The following EPHX4 variants were observed in gnomAD, a reference collection of about 807,000 sequenced individuals.
EPHX4 encodes epoxide hydrolase 4, also known as abhydrolase domain containing 7.
EPHX4 carries 31 observed loss-of-function variants against 44.9 expected under a neutral mutation model. The observed-to-expected ratio is 0.69, with a 90% CI of 0.52 to 0.93. EPHX4 has a LOEUF of 0.93. Among genes scored for constraint, EPHX4 ranks in the 40% least tolerant of loss-of-function variants. The pLI is 0.00. For synonymous variants in EPHX4, 151 were observed against 159.7 expected, an observed-to-expected ratio of 0.95 and a Z score of 0.41; for missense variants, 373 against 438.1, an observed-to-expected ratio of 0.85 and a Z score of 1.33.
At chr1:92,046,537 C>T (rs1291755035) in intron 4 of EPHX4, among the ~76,000 whole-genome samples, 1 of 152,200 alleles carries the variant, frequency 6.6e-6, no homozygotes, top group East Asian at 1.9e-4. Context: ...CATCTCGGCT[C>T]ACTGCAACCT....
intron 1 of EPHX4, among the ~76,000 whole-genome samples, chr1:92,031,841 T>G (rs1374739163): frequency 6.6e-6 from 1 of 152,170 alleles, no homozygotes; most frequent in Non-Finnish European, 1.5e-5. Flanking sequence ...GTCTCCTACA[T>G]GCAGAGTGAA....
intron 6 of EPHX4, among the ~76,000 whole-genome samples, chr1:92,058,883 T>C (rs964073127): frequency 1.3e-5 from 2 of 152,184 alleles, no homozygotes; most frequent in Admixed American, 6.5e-5. Context: ...ATGGGAAACT[T>C]TGGAGGGCCT....
rs1361399414 is a variant in EPHX4, at chr1:92,063,103, G to T, written c.906G>T (p.Leu302=). 3 of 1,614,128 alleles carry T rather than the reference G, an allele frequency of 1.9e-6. No individual in the cohort carries two copies. In the South Asian group the frequency reaches 3.3e-5, roughly 18 times the overall value. ...HHMVTTPTLL[L]WGENDAFMEV... is the part of the protein sequence containing the mutation. The stretch of plus-strand genomic sequence containing the variant: ...TGGTGACCACTCCAACACTACTACT[G>T]TGGGGAGAGAATGACGCATTCATGG... The change falls in exon 7 of 7, where the codon CTG becomes CTT. Residue 302 remains leucine (L), a synonymous_variant. Coordinates refer to ENST00000370383, the MANE Select transcript of EPHX4 (RefSeq NM_173567.5).
chr1:92,054,075 G>A (rs575381659), intron 6 of EPHX4, among the ~76,000 whole-genome samples: 183 of 152,274 alleles, frequency 1.2e-3, no homozygotes, highest in Middle Eastern at 3.4e-3. Flanking sequence ...TTAAGAATTA[G>A]GAGCCACAGC....
At chr1:92,038,294 C>T (rs17131594) in intron 2 of EPHX4, among the ~76,000 whole-genome samples, 7,635 of 152,020 alleles carry the variant, frequency 0.05, 231 homozygotes, top group African/African-American at 0.069. Context: ...AGACACGGAC[C>T]CTTAAGGTAT....
rs6700190 is a variant in EPHX4 at position 92,047,174 on chromosome 1, C to T, written c.604+1514C>T. 6.8e-3 allele frequency among the ~76,000 whole-genome samples: 1,033 copies of T among 152,194 alleles called. 8 individuals are homozygous for T. Among genetic ancestry groups the T allele is most frequent in the Non-Finnish European group, 0.011 (736 of 68,022 alleles). ...CTTTGTTAACTTTCAAGAGATTATC[C>T]GACAAATACCCATGTCTGACTGATG... On this transcript the variant is annotated intron_variant, in intron 4 of 6. Coordinates refer to ENST00000370383, the MANE Select transcript of EPHX4 (RefSeq NM_173567.5).
rs373924068 is a variant in EPHX4 at position 92,059,979 on chromosome 1, G to A, written c.858-3076G>A. ...GCCTCAAAGGACACCATCTCAAAGT[G>A]TTGGGATAACAGGTATGAGCCACCC... On this transcript the variant is annotated intron_variant, in intron 6 of 6. Coordinates refer to ENST00000370383, the MANE Select transcript of EPHX4 (RefSeq NM_173567.5). Among the ~76,000 whole-genome samples, 61 of 151,708 alleles carry A rather than the reference G, an allele frequency of 4.0e-4. No individual in the cohort carries two copies. In the South Asian group the frequency reaches 0.013, roughly 32 times the overall value.
chr1:92,041,251 T>A (rs1688504157), intron 2 of EPHX4, among the ~76,000 whole-genome samples: 1 of 152,234 alleles, frequency 6.6e-6, no homozygotes, highest in Non-Finnish European at 1.5e-5. Flanking sequence ...TAAATGTTTT[T>A]AGTATCACTC....
rs950811729 is a variant in EPHX4 at position 92,045,757 on chromosome 1, C to A, written c.604+97C>A. The A allele has an allele frequency of 3.6e-6, 5 of 1,392,788 alleles. No individual in the cohort carries two copies. The African/African-American group carries it at 5.8e-5, about 16-fold the overall frequency. The allele number at this position is 1,392,788 out of a possible 1,614,324, so 86.3% of individuals were successfully genotyped here. A position where few individuals can be genotyped will look rare whatever the true frequency, so the allele number is the denominator to read the frequency against. ...AGAAACAGCAAAATTTGGTTACTATCATATTTTAAAATTAAATGACTAAAC... is the reference window on the plus strand; with the variant it reads ...AGAAACAGCAAAATTTGGTTACTATAATATTTTAAAATTAAATGACTAAAC... On this transcript the variant is annotated intron_variant, in intron 4 of 6. Coordinates refer to ENST00000370383, the MANE Select transcript of EPHX4 (RefSeq NM_173567.5).
At chr1:92,045,153 G>T (rs1029869562) in intron 3 of EPHX4, among the ~76,000 whole-genome samples, 2 of 151,854 alleles carry the variant, frequency 1.3e-5, no homozygotes, top group African/African-American at 4.8e-5. Context: ...TTGTAGAGAC[G>T]GCTGGGTGTG....
chr1:92,058,764 C>T (rs949853996), intron 6 of EPHX4, among the ~76,000 whole-genome samples: 15 of 152,094 alleles, frequency 9.9e-5, no homozygotes, highest in African/African-American at 3.6e-4. Context: ...GAAGATTCTT[C>T]AGAAGTTGGG....
intron 6 of EPHX4, among the ~76,000 whole-genome samples, chr1:92,055,969 T>C (rs962124947): frequency 6.6e-6 from 1 of 151,922 alleles, no homozygotes; most frequent in Admixed American, 6.6e-5. Context: ...GAGAAATCAC[T>C]GGAATCCTGT....
At chr1:92,039,654 T>A (rs114738302) in intron 2 of EPHX4, among the ~76,000 whole-genome samples, 2,745 of 152,184 alleles carry the variant, frequency 0.018, 25 homozygotes, top group South Asian at 0.041. Flanking sequence ...TTAATTAATT[T>A]ATTTATTTAT....
chr1:92,060,457 T>C (rs1249571204), intron 6 of EPHX4, among the ~76,000 whole-genome samples: 1 of 151,584 alleles, frequency 6.6e-6, no homozygotes, highest in African/African-American at 2.4e-5. Context: ...AAAAAAATAG[T>C]TTTTAAATTA....
intron 3 of EPHX4, among the ~76,000 whole-genome samples, chr1:92,044,690 T>C (rs1688558413): frequency 6.6e-6 from 1 of 152,210 alleles, no homozygotes; most frequent in Non-Finnish European, 1.5e-5. Flanking sequence ...AGATTTTCTG[T>C]GTTGAATTGT....
chr1:92,045,247 A>G (rs950201872), intron 3 of EPHX4, among the ~76,000 whole-genome samples: 3 of 150,870 alleles, frequency 2.0e-5, no homozygotes, highest in Non-Finnish European at 2.9e-5. Flanking sequence ...TGGCCTCACA[A>G]GTGTTGAGAT....
rs375350380 is a variant in EPHX4 at position 92,050,323 on chromosome 1, T to A, written c.611T>A (p.Ile204Asn). ...FPHPNVFTEY[I>N]LRHPAQLLKS... ...CATGGCATTTTAATTTCAGAATATA[T>A]TTTACGACACCCTGCTCAGCTGTTG... Residue 204 changes from isoleucine to asparagine, a missense_variant, in exon 5 of 7, where the codon ATT (isoleucine) becomes AAT (asparagine). Coordinates refer to ENST00000370383, the MANE Select transcript of EPHX4 (RefSeq NM_173567.5). 1.9e-6 allele frequency: 3 copies of A among 1,595,410 alleles called. No homozygotes were observed. Among genetic ancestry groups the A allele is most frequent in the Non-Finnish European group, 2.6e-6 (3 of 1,168,304 alleles).
Position 92,045,533 on chromosome 1 carries a change from G to GTA in EPHX4, c.480_481dup (p.Ser161IlefsTer14). 6.2e-7 allele frequency: 1 copy of GTA among 1,613,768 alleles called. No homozygotes were observed. The highest frequency in any genetic ancestry group is 8.5e-7 in the Non-Finnish European group (1 of 1,179,894). On this transcript the variant is annotated frameshift_variant and splice_region_variant, in exon 4 of 7. Transcript: ENST00000370383. LOFTEE classifies it high-confidence loss of function. ...TCAACATTTATTTCTTGTTTACAGGGTATAGCAAATGTGTTCTTATTGGCC... is the reference window on the plus strand; with the variant it reads ...TCAACATTTATTTCTTGTTTACAGGGTATATAGCAAATGTGTTCTTATTGGCC...
intron 4 of EPHX4, among the ~76,000 whole-genome samples, chr1:92,047,916 C>T (rs1688604879): frequency 6.6e-6 from 1 of 152,182 alleles, no homozygotes; most frequent in Non-Finnish European, 1.5e-5. Context: ...TTAAAGGCAA[C>T]TCTTAAAAAC....
Sources: allele counts gnomAD v4.1 joint callset (sites outside exome capture counted in the v4.1 genomes callset), GRCh38; gene constraint gnomAD v4.1.1; transcripts MANE v1.5; gene names NCBI Gene and HGNC (gene_info 2026-07-23, HGNC 2026-07-21).